The following SERAC1 variants were observed in gnomAD, a reference collection of about 807,000 sequenced individuals.
The protein encoded by SERAC1 is protein SERAC1.
In SERAC1, 36 loss-of-function variants were observed where a neutral mutation model predicts 85.7. The ratio of observed to expected loss-of-function variants is 0.42; its 90% CI spans 0.32 to 0.55. The LOEUF (loss-of-function observed/expected upper bound fraction) is 0.55. SERAC1 is among the 20% of genes least tolerant of loss of function. SERAC1 has a pLI of 0.11. For synonymous variants in SERAC1, 242 were observed against 265.3 expected (o/e 0.91, Z 0.85); for missense variants, 629 against 796.2 (o/e 0.79, Z 2.53).
chr6:158,153,444 G>C (rs1785253450), intron 3 of SERAC1, among the ~76,000 whole-genome samples: 1 of 148,406 alleles, frequency 6.7e-6, no homozygotes, highest in African/African-American at 2.5e-5. Flanking sequence ...TGTGCATACA[G>C]TACGTGTTCC....
At position 158,116,274 on chromosome 6, in the gene SERAC1, A is replaced by G. The variant is rs753855066; in HGVS notation, c.1412T>C (p.Ile471Thr). The change falls in exon 14 of 17, where the codon ATT becomes ACT. Residue 471 changes from isoleucine to threonine, a missense_variant. By Grantham distance (89) the Ile-to-Thr change is moderately conservative. Transcript: ENST00000647468. The stretch of plus-strand genomic sequence containing the variant: ...AAGAAGTTCGTTGCTTCTGAATGCA[A>G]TGGACTTTCTGAACAAAACAAAAAC... ...RARCPMERKSIAFRSNELLRK... is the reference protein window; with the variant it reads ...RARCPMERKSTAFRSNELLRK... 10 of 1,613,892 alleles carry G rather than the reference A, an allele frequency of 6.2e-6. No individual in the cohort carries two copies. The East Asian group carries it at 2.0e-4, about 32-fold the overall frequency.
intron 6 of SERAC1, chr6:158,146,403 T>TTTTTC (rs1268286844): frequency 4.4e-5 from 6 of 135,348 alleles, no homozygotes; most frequent in African/African-American, 1.7e-4. Flanking sequence ...CTTGTCTTTT[T>TTTTTC]TTTTTTTTTT....
chr6:158,115,051 CAAG>C, intron 14 of SERAC1, 80 bp from the exon 15 acceptor site: 2 of 1,377,910 alleles, frequency 1.5e-6, no homozygotes, highest in South Asian at 1.4e-5. Context: ...AAAGGCCAAA[CAAG>C]AAATACATAA....
At chr6:158,128,390 A>C in intron 9 of SERAC1, 120 bp from the exon 10 acceptor site, 2 of 853,354 alleles carry the variant, frequency 2.3e-6, no homozygotes, top group Non-Finnish European at 3.7e-6. Flanking sequence ...ATGCAGGGAG[A>C]CTCCTCAAAG....
At chr6:158,137,516 C>T (rs1288265343) in intron 8 of SERAC1, among the ~76,000 whole-genome samples, 1 of 152,126 alleles carries the variant, frequency 6.6e-6, no homozygotes, top group Non-Finnish European at 1.5e-5. Context: ...TCAGTTTCAT[C>T]ATTTCCAGTG....
chr6:158,156,879 G>GATATTAATGTATTTATATAA (rs1785355507), intron 2 of SERAC1, among the ~76,000 whole-genome samples: 13 of 82,702 alleles, frequency 1.6e-4, no homozygotes, highest in East Asian at 1.2e-3. Context: ...TATTTATATA[G>GATATTAATGTATTTATATAA]ATATTAATAT....
chr6:158,154,525 A>T (rs1032692228), intron 3 of SERAC1, among the ~76,000 whole-genome samples: 1 of 152,200 alleles, frequency 6.6e-6, no homozygotes, highest in African/African-American at 2.4e-5. Context: ...TTATATTTGT[A>T]CTAGTAAAAA....
rs1016905926 is a variant in SERAC1, at chr6:158,114,513, C to T, written c.1684+276G>A. The T allele has an allele frequency of 5.0e-6, 6 of 1,189,492 alleles. No individual in the cohort carries two copies. In the East Asian group the frequency reaches 1.4e-4, roughly 29 times the overall value. The allele number at this position is 1,189,492 out of a possible 1,614,324, so 73.7% of individuals were successfully genotyped here. On this transcript the variant is annotated intron_variant, in intron 15 of 16. Coordinates refer to ENST00000647468, the MANE Select transcript of SERAC1 (RefSeq NM_032861.4). ...CATTTATTGGTAATTTGGAATAATA[C>T]TTAAAAGCAAAACATTATCTGATTA...
In SERAC1 at chr6:158,119,049, A is replaced by C; in HGVS notation, c.1288T>G (p.Tyr430Asp). The change falls in exon 12 of 17, where the codon TAT (tyrosine) becomes GAT (aspartate). Residue 430 changes from tyrosine to aspartate, a missense_variant. Tyr to Asp is a radical substitution (Grantham distance 160). Coordinates refer to ENST00000647468, the MANE Select transcript of SERAC1 (RefSeq NM_032861.4). This position sits in a 1 kb window ranked among gnomAD's most constrained non-coding sequence, Gnocchi z 4.5. ...IEKPMEDEDR[Y>D]TTCWPKTWLA... ...CTTACCTTGGGCCAGCACGTCGTATATCTGTCTTCATCCTCCATAGGTTTT... is the reference window on the plus strand; with the variant it reads ...CTTACCTTGGGCCAGCACGTCGTATCTCTGTCTTCATCCTCCATAGGTTTT... 1 of 1,613,516 alleles carries C rather than the reference A, an allele frequency of 6.2e-7. No individual in the cohort carries two copies. Among genetic ancestry groups the C allele is most frequent in the Non-Finnish European group, 8.5e-7 (1 of 1,179,700 alleles).
At chr6:158,131,659 G>T (rs970998692) in intron 8 of SERAC1, among the ~76,000 whole-genome samples, 1 of 151,982 alleles carries the variant, frequency 6.6e-6, no homozygotes, top group Non-Finnish European at 1.5e-5. Flanking sequence ...GGTATCAATG[G>T]CACGACTTCT....
At chr6:158,136,787 T>A (rs990619347) in intron 8 of SERAC1, among the ~76,000 whole-genome samples, 1 of 152,092 alleles carries the variant, frequency 6.6e-6, no homozygotes, top group East Asian at 1.9e-4. Context: ...CCACCCACCA[T>A]GTCAGCACCC....
chr6:158,130,607 A>C (rs1784651451), intron 8 of SERAC1, 121 bp from the exon 9 acceptor site: 9 of 592,576 alleles, frequency 1.5e-5, no homozygotes, highest in South Asian at 2.4e-5. Flanking sequence ...GTAGGGCCTC[A>C]AAATATGTTG....
At chr6:158,139,855 A>C (rs1784876315) in intron 8 of SERAC1, among the ~76,000 whole-genome samples, 1 of 152,272 alleles carries the variant, frequency 6.6e-6, no homozygotes, top group Middle Eastern at 3.2e-3. Context: ...AACATCATTA[A>C]GCATTAGGAA....
chr6:158,116,062 T>G (rs1784280028), intron 14 of SERAC1, 123 bp downstream of exon 14: 1 of 714,982 alleles, frequency 1.4e-6, no homozygotes, highest in Non-Finnish European at 2.4e-6. Context: ...ACAGATTAAT[T>G]TAGCAGGGGG....
At chr6:158,148,791 A>C in intron 5 of SERAC1, 74 bp downstream of exon 5, 2 of 1,079,348 alleles carry the variant, frequency 1.9e-6, no homozygotes, top group South Asian at 1.5e-5. Flanking sequence ...GAAATGAAAA[A>C]AAGTATCAGG....
At position 158,147,768 on chromosome 6, in the gene SERAC1, CAAAAAAAAAAAAAAAAAA is replaced by C. The variant is rs71027383; in HGVS notation, c.356-873_356-856del. On this transcript the variant is annotated intron_variant, in intron 5 of 16. Coordinates refer to ENST00000647468, the MANE Select transcript of SERAC1 (RefSeq NM_032861.4). The stretch of plus-strand genomic sequence containing the variant: ...CTGGGTGACAGAGAAGGCTCTGTCT[CAAAAAAAAAAAAAAAAAA>C]AAAAAAAAAAAAAAGAATAACATCC... Among the ~76,000 whole-genome samples the C allele has an allele frequency of 3.8e-4, 26 of 68,944 alleles. No individual in the cohort carries two copies. The East Asian group carries it at 8.2e-3, about 22-fold the overall frequency. The allele number at this position is 68,944 out of a possible 152,430, so 45.2% of individuals were successfully genotyped here.
intron 1 of SERAC1, 136 bp downstream of exon 1, chr6:158,168,004 T>C (rs1347153938): frequency 6.6e-6 from 1 of 151,856 alleles, no homozygotes; most frequent in Non-Finnish European, 1.5e-5. Context: ...CGTCAGCTGG[T>C]CGGTCCGGTC....
At position 158,110,390 on chromosome 6, in the gene SERAC1, CAAACAAAACA is replaced by C. The variant is rs1013411258; in HGVS notation, c.*966_*975del. ...AACAGAGTCAGACCCTGTCTCTAAA[CAAACAAAACA>C]AAACAAAAATGAATTGTATAATTTA... On this transcript the variant is annotated 3_prime_UTR_variant, in exon 17 of 17. Coordinates refer to ENST00000647468, the MANE Select transcript of SERAC1 (RefSeq NM_032861.4). The C allele has an allele frequency of 6.6e-6, 1 of 151,810 alleles. No individual in the cohort carries two copies. The highest frequency in any genetic ancestry group is 1.5e-5 in the Non-Finnish European group (1 of 67,998). 9.4% of individuals were successfully genotyped at this position (151,810 alleles called of 1,614,324 possible). A position where few individuals can be genotyped will look rare whatever the true frequency, so the allele number is the denominator to read the frequency against.
intron 8 of SERAC1, among the ~76,000 whole-genome samples, chr6:158,139,549 G>C (rs532465995): frequency 6.6e-6 from 1 of 152,100 alleles, no homozygotes; most frequent in African/African-American, 2.4e-5. Flanking sequence ...CTTCAAAAAG[G>C]ACAAGTAACC....
Sources: allele counts gnomAD v4.1 joint callset (sites outside exome capture counted in the v4.1 genomes callset), GRCh38; gene constraint gnomAD v4.1.1; non-coding constraint Gnocchi (gnomAD v3.1); transcripts MANE v1.5; gene names NCBI Gene and HGNC (gene_info 2026-07-23, HGNC 2026-07-21).